ROS1: variants seen among roughly 807,000 people sequenced by gnomAD.
The protein encoded by ROS1 is proto-oncogene tyrosine-protein kinase ROS.
In ROS1, 263 loss-of-function variants were observed where a neutral mutation model predicts 273.5. The ratio of observed to expected loss-of-function variants is 0.96; its 90% CI spans 0.87 to 1.06. The LOEUF is 1.06. ROS1 is among the 50% of genes least tolerant of loss of function. ROS1 has a pLI of 0.00. For synonymous variants in ROS1, 1,008 were observed against 954.1 expected (o/e 1.06, Z -1.04); for missense variants, 2,833 against 2,751.1 (o/e 1.03, Z -0.67).
intron 2 of ROS1, among the ~76,000 whole-genome samples, chr6:117,416,928 G>A (rs554005982): frequency 1.1e-3 from 172 of 152,164 alleles, no homozygotes; most frequent in African/African-American, 4.0e-3. Context: ...GTGGCACCTG[G>A]ATTCCTTTTT....
At chr6:117,407,435 C>G (rs569399356) in intron 5 of ROS1, among the ~76,000 whole-genome samples, 1 of 152,290 alleles carries the variant, frequency 6.6e-6, no homozygotes, top group East Asian at 1.9e-4. Flanking sequence ...TGAAATCAGG[C>G]AGAGGGAGCT....
At chr6:117,405,449 T>C (rs1213493347) in intron 5 of ROS1, among the ~76,000 whole-genome samples, 1 of 152,134 alleles carries the variant, frequency 6.6e-6, no homozygotes, top group Non-Finnish European at 1.5e-5. Context: ...TTCCCTTTCT[T>C]GTTGTGAGAC....
At chr6:117,332,186 G>T (rs527755459) in intron 32 of ROS1, among the ~76,000 whole-genome samples, 1 of 151,070 alleles carries the variant, frequency 6.6e-6, no homozygotes, top group East Asian at 1.9e-4. Flanking sequence ...AAAAAAGAGG[G>T]TTGCAATCCT....
chr6:117,346,477 A>T (rs1778386796), intron 27 of ROS1, among the ~76,000 whole-genome samples: 1 of 151,454 alleles, frequency 6.6e-6, no homozygotes, highest in Non-Finnish European at 1.5e-5. Context: ...AACTCATGCC[A>T]CTCTTGGGAC....
chr6:117,317,013 A>G, intron 39 of ROS1, 130 bp downstream of exon 39: 1 of 983,922 alleles, frequency 1.0e-6, no homozygotes, highest in Non-Finnish European at 1.4e-6. Context: ...TGTGAAGGAA[A>G]CAGAATAATT....
intron 2 of ROS1, 72 bp from the exon 3 acceptor site, chr6:117,416,389 A>G: frequency 1.0e-6 from 1 of 986,062 alleles, no homozygotes; most frequent in Non-Finnish European, 1.6e-6. Context: ...CTGAAAGTAC[A>G]ATGTAGTAAC....
At chr6:117,291,601 G>A (rs1454236731) in intron 43 of ROS1, among the ~76,000 whole-genome samples, 18 of 152,282 alleles carry the variant, frequency 1.2e-4, no homozygotes, top group Non-Finnish European at 5.9e-5. Flanking sequence ...GTATGATTAT[G>A]AGCAAGTCAC....
intron 43 of ROS1, among the ~76,000 whole-genome samples, chr6:117,295,441 G>T (rs909740928): frequency 6.2e-4 from 94 of 152,234 alleles, no homozygotes; most frequent in Middle Eastern, 3.4e-3. Flanking sequence ...AAAATTTCTT[G>T]AGCAACACCC....
rs572698235 is a variant in ROS1, at chr6:117,362,335, T to A, written c.3366+268A>T. On this transcript the variant is annotated intron_variant, in intron 22 of 43. Transcript: ENST00000368507. ...TTCTGTTTAAACTTTTTTTTTTAACTGCAGTCGTCTTTAATGGAATAAAAA... is the reference window on the plus strand; with the variant it reads ...TTCTGTTTAAACTTTTTTTTTTAACAGCAGTCGTCTTTAATGGAATAAAAA... Among the ~76,000 whole-genome samples the A allele has an allele frequency of 5.3e-5, 8 of 152,166 alleles. No individual in the cohort carries two copies. The East Asian group carries it at 1.5e-3, about 29-fold the overall frequency.
chr6:117,370,096 C>T (rs772273287), intron 18 of ROS1, among the ~76,000 whole-genome samples: 6 of 152,064 alleles, frequency 3.9e-5, no homozygotes, highest in Non-Finnish European at 8.8e-5. Context: ...TAAATATACA[C>T]ATACATACAC....
chr6:117,319,840 T>C, intron 37 of ROS1, 28 bp downstream of exon 37: 9 of 1,598,740 alleles, frequency 5.6e-6, no homozygotes, highest in Non-Finnish European at 7.7e-6. Flanking sequence ...TGATATAATG[T>C]GTCAAGGAGT....
At chr6:117,341,860 A>C (rs1777955239) in intron 29 of ROS1, among the ~76,000 whole-genome samples, 1 of 152,170 alleles carries the variant, frequency 6.6e-6, no homozygotes, top group Non-Finnish European at 1.5e-5. Context: ...CAGCTCAAGG[A>C]TATGGCCAAC....
intron 42 of ROS1, among the ~76,000 whole-genome samples, chr6:117,306,030 GT>G (rs78945275): frequency 0.19 from 22,964 of 122,920 alleles, 1,673 homozygotes; most frequent in East Asian, 0.38. Flanking sequence ...TTCTCCTCAA[GT>G]TTTTTTTTTT....
intron 24 of ROS1, 86 bp from the exon 25 acceptor site, chr6:117,358,095 T>C: frequency 1.2e-6 from 1 of 814,646 alleles, no homozygotes; most frequent in Non-Finnish European, 2.0e-6. Context: ...ATATCATTTG[T>C]TTACTGCACT....
intron 35 of ROS1, among the ~76,000 whole-genome samples, chr6:117,322,824 A>G (rs539190587): frequency 6.6e-6 from 1 of 152,342 alleles, no homozygotes; most frequent in East Asian, 1.9e-4. Context: ...GCTAGACTCA[A>G]AAATTCGTGA....
At position 117,389,670 on chromosome 6, in the gene ROS1, G is replaced by A. The variant is rs778955018; in HGVS notation, c.1466C>T (p.Thr489Ile). The A allele has an allele frequency of 6.2e-7, 1 of 1,614,228 alleles. No homozygotes were observed. The highest frequency in any genetic ancestry group is 1.7e-5 in the Admixed American group (1 of 60,032). ...FNDTAQVFMS[T>I]FLDGSASHLI... The stretch of plus-strand genomic sequence containing the variant: ...ATGGGAAGCAGAGCCATCCAGAAAT[G>A]TTGACATGAAGACTTGGGCAGTGTC... Residue 489 changes from threonine to isoleucine, a missense_variant, in exon 13 of 44, where the codon ACA (threonine) becomes ATA (isoleucine). By Grantham distance (89) the Thr-to-Ile change is moderately conservative. Transcript: ENST00000368507.
chr6:117,364,107 C>T (rs1449843649), intron 21 of ROS1, among the ~76,000 whole-genome samples: 1 of 152,106 alleles, frequency 6.6e-6, no homozygotes, highest in Non-Finnish European at 1.5e-5. Context: ...GACAATTCAA[C>T]CAAGCTGATA....
intron 23 of ROS1, 63 bp downstream of exon 23, chr6:117,360,273 GACACAC>G (rs36181502): frequency 2.1e-4 from 163 of 763,778 alleles, no homozygotes; most frequent in South Asian, 1.1e-3. Flanking sequence ...ACACCAATGG[GACACAC>G]ACACACACAC....
intron 18 of ROS1, among the ~76,000 whole-genome samples, chr6:117,377,393 G>A (rs970986371): frequency 1.3e-5 from 2 of 152,008 alleles, no homozygotes; most frequent in African/African-American, 4.8e-5. Flanking sequence ...TTACAGGCGT[G>A]AGCCACCACG....
Sources: allele counts gnomAD v4.1 joint callset (sites outside exome capture counted in the v4.1 genomes callset), GRCh38; gene constraint gnomAD v4.1.1; transcripts MANE v1.5; gene names NCBI Gene and HGNC (gene_info 2026-07-23, HGNC 2026-07-21).